The following CAPN8 variants were observed in gnomAD, a reference collection of about 807,000 sequenced individuals.
CAPN8 encodes calpain 8, also known as calpain-8.
A neutral mutation model predicts 80.9 loss-of-function variants in CAPN8; 87 were observed. That is an observed-to-expected ratio of 1.07 (90% confidence interval 0.90 to 1.28). CAPN8 has a LOEUF of 1.28. Ranked by LOEUF, CAPN8 falls within the 50% of genes most tolerant of loss-of-function variation. The probability of loss-of-function intolerance (pLI) is 0.00; values close to 1 mark genes in which losing one functional copy is unlikely to be tolerated. For synonymous variants in CAPN8, 299 were observed against 273.8 expected (o/e 1.09, Z -0.91); for missense variants, 757 against 702.0 (o/e 1.08, Z -0.89).
intron 13 of CAPN8, among the ~76,000 whole-genome samples, chr1:223,555,384 C>T (rs1342228081): frequency 6.6e-6 from 1 of 152,214 alleles, no homozygotes; most frequent in East Asian, 1.9e-4. Flanking sequence ...CTCTCAGCCT[C>T]TCTGGGGCTG....
chr1:223,645,232 C>T (rs1432319137), intron 2 of CAPN8, among the ~76,000 whole-genome samples: 1 of 152,160 alleles, frequency 6.6e-6, no homozygotes, highest in Non-Finnish European at 1.5e-5. Flanking sequence ...TCTAGTCCTT[C>T]CATATTCCTC....
At chr1:223,550,239 C>T (rs1014598951) in intron 15 of CAPN8, among the ~76,000 whole-genome samples, 2 of 152,190 alleles carry the variant, frequency 1.3e-5, no homozygotes, top group Non-Finnish European at 2.9e-5. Context: ...GCTCCGAGCC[C>T]TGGGGATCCA....
At chr1:223,626,424 G>C (rs926138952) in intron 5 of CAPN8, among the ~76,000 whole-genome samples, 1 of 152,182 alleles carries the variant, frequency 6.6e-6, no homozygotes, top group Admixed American at 6.5e-5. Flanking sequence ...GGACAAGAGA[G>C]GAAGACAGGG....
intron 2 of CAPN8, among the ~76,000 whole-genome samples, chr1:223,639,347 C>T (rs555708049): frequency 3.7e-4 from 57 of 152,326 alleles, no homozygotes; most frequent in African/African-American, 1.3e-3. Flanking sequence ...TAGGCTCAGC[C>T]CTTCACCCTC....
chr1:223,541,694 C>G lies in CAPN8; in HGVS notation c.*142G>C. 7 of 1,335,338 alleles carry G rather than the reference C, an allele frequency of 5.2e-6. No homozygotes were observed. The highest frequency in any genetic ancestry group is 7.3e-6 in the Non-Finnish European group (7 of 954,700). The allele number at this position is 1,335,338 out of a possible 1,614,324, so 82.7% of individuals were successfully genotyped here. The stretch of plus-strand genomic sequence containing the variant: ...GGCTTACATAGCTCATAGCTCAGTG[C>G]TGCTGAAATAGACCCAGGGCAAGAA... On this transcript the variant is annotated 3_prime_UTR_variant, in exon 21 of 21. Coordinates refer to ENST00000366872, the MANE Select transcript of CAPN8 (RefSeq NM_001143962.2).
chr1:223,615,763 C>G (rs778749657), intron 10 of CAPN8: 2 of 692,870 alleles, frequency 2.9e-6, no homozygotes, highest in South Asian at 3.0e-5. Context: ...TCAATGTTAA[C>G]AGCAGAGACT....
intron 2 of CAPN8, among the ~76,000 whole-genome samples, chr1:223,643,501 C>G (rs1358741005): frequency 6.6e-6 from 1 of 152,180 alleles, no homozygotes; most frequent in Non-Finnish European, 1.5e-5. Flanking sequence ...AAACGAGATA[C>G]TTTGAGGCTG....
intron 9 of CAPN8, chr1:223,618,270 C>G: frequency 6.4e-7 from 1 of 1,550,538 alleles, no homozygotes; most frequent in Non-Finnish European, 8.7e-7. Flanking sequence ...GCTGATTCAA[C>G]CTAGGAGGAG....
At chr1:223,664,461 A>G (rs564040634) in intron 1 of CAPN8, among the ~76,000 whole-genome samples, 23 of 152,296 alleles carry the variant, frequency 1.5e-4, no homozygotes, top group Admixed American at 2.6e-4. Context: ...TCTGAGATTT[A>G]TCTCTAATTC....
chr1:223,544,950 C>A, intron 17 of CAPN8, 100 bp from the exon 18 acceptor site: 1 of 1,532,786 alleles, frequency 6.5e-7, no homozygotes, highest in Non-Finnish European at 8.8e-7. Context: ...GCCAGGGACA[C>A]TTTCAAAAGG....
chr1:223,644,637 G>A lies in CAPN8; in HGVS notation c.307+9693C>T, dbSNP rs1459271472. On this transcript the variant is annotated intron_variant, in intron 2 of 20. Coordinates refer to ENST00000366872, the MANE Select transcript of CAPN8 (RefSeq NM_001143962.2). The stretch of plus-strand genomic sequence containing the variant: ...CTGTAAAGAAACCAGAGCAGGGTGA[G>A]GGGAGTGAGAGTTTCTAGGGGAGCG... 2.6e-5 allele frequency among the ~76,000 whole-genome samples: 4 copies of A among 152,164 alleles called. No homozygotes were observed. The South Asian group carries it at 8.3e-4, about 31-fold the overall frequency.
chr1:223,557,521 C>T (rs1289023346), intron 13 of CAPN8, among the ~76,000 whole-genome samples: 4 of 152,162 alleles, frequency 2.6e-5, no homozygotes, highest in African/African-American at 7.2e-5. Flanking sequence ...ATCCGCCACA[C>T]CCACCATCTG....
chr1:223,551,628 G>C (rs893631828), intron 14 of CAPN8, among the ~76,000 whole-genome samples: 17 of 152,208 alleles, frequency 1.1e-4, no homozygotes, highest in African/African-American at 4.1e-4. Flanking sequence ...AAAGTAACAG[G>C]AACAGCAGTG....
chr1:223,626,265 A>T (rs1165423530), intron 5 of CAPN8, among the ~76,000 whole-genome samples: 1 of 151,906 alleles, frequency 6.6e-6, no homozygotes, highest in East Asian at 1.9e-4. Flanking sequence ...TGGACTCCTC[A>T]TTACCCTTCC....
intron 1 of CAPN8, among the ~76,000 whole-genome samples, chr1:223,655,168 C>G (rs1658450481): frequency 6.6e-6 from 1 of 152,126 alleles, no homozygotes; most frequent in African/African-American, 2.4e-5. Context: ...GAATATTTAG[C>G]AAAATGCTGT....
At chr1:223,639,793 A>G (rs1658000843) in intron 2 of CAPN8, among the ~76,000 whole-genome samples, 1 of 152,230 alleles carries the variant, frequency 6.6e-6, no homozygotes, top group South Asian at 2.1e-4. Flanking sequence ...TTTGCACAAG[A>G]CAAAGTGGCT....
rs531341335 is a variant in CAPN8, at chr1:223,648,261, C to T, written c.307+6069G>A. 3.4e-4 allele frequency among the ~76,000 whole-genome samples: 52 copies of T among 152,336 alleles called. No individual in the cohort carries two copies. In the South Asian group the frequency reaches 7.7e-3, roughly 22 times the overall value. On this transcript the variant is annotated intron_variant, in intron 2 of 20. Coordinates refer to ENST00000366872, the MANE Select transcript of CAPN8 (RefSeq NM_001143962.2). ...GAGCCACCACGGGTAGCAAAGTGAA[C>T]TTCCCCCGAATCACGGTTAAGCCCC... is the stretch of plus-strand genomic sequence containing the variant.
intron 2 of CAPN8, among the ~76,000 whole-genome samples, chr1:223,631,920 C>T (rs1047866223): frequency 7.2e-5 from 11 of 152,304 alleles, no homozygotes; most frequent in African/African-American, 2.2e-4. Flanking sequence ...GGGCATGGTC[C>T]TGGTTGCCTT....
intron 7 of CAPN8, among the ~76,000 whole-genome samples, chr1:223,621,542 G>A (rs1657393049): frequency 6.6e-6 from 1 of 152,076 alleles, no homozygotes; most frequent in African/African-American, 2.4e-5. Context: ...CATCCTTTTA[G>A]GGAAGTTGGC....
Sources: gnomAD v4.1 joint callset for allele counts (sites outside exome capture counted in the v4.1 genomes callset) on GRCh38, gnomAD v4.1.1 for gene constraint, MANE v1.5 for transcripts, NCBI Gene and HGNC (gene_info 2026-07-23, HGNC 2026-07-21) for gene names.